The following MYCT1 variants were observed in gnomAD, a reference collection of about 807,000 sequenced individuals.
MYCT1 encodes the protein MYC target 1, also known as myc target protein 1.
MYCT1 carries 12 observed loss-of-function variants against 15.0 expected under a neutral mutation model. That is an observed-to-expected ratio of 0.80 (90% CI 0.51 to 1.29). MYCT1 has a LOEUF of 1.29. Among genes scored for constraint, MYCT1 ranks in the 50% most tolerant of loss-of-function variants. The probability of loss-of-function intolerance (pLI) is 0.00; values close to 1 mark genes in which losing one functional copy is unlikely to be tolerated. For synonymous variants in MYCT1, 104 were observed against 102.7 expected (o/e 1.01, Z -0.07); for missense variants, 287 against 279.1 (o/e 1.03, Z -0.20).
intron 1 of MYCT1, among the ~76,000 whole-genome samples, chr6:152,705,205 T>C (rs1458979459): frequency 2.0e-5 from 3 of 152,186 alleles, no homozygotes; most frequent in Non-Finnish European, 4.4e-5. Context: ...CATCATAGCT[T>C]AGCATAGCCT....
chr6:152,727,929 G>A (rs546952094), downstream of MYCT1, among the ~76,000 whole-genome samples: 14 of 152,080 alleles, frequency 9.2e-5, 1 homozygote, highest in South Asian at 1.0e-3. Context: ...TTTGGTAGAC[G>A]GAGACGGGCA....
rs1196577607 is a variant in MYCT1 at position 152,721,907 on chromosome 6, A to G, written c.362A>G (p.Asn121Ser). Residue 121 changes from asparagine to serine, a missense_variant, in exon 2 of 2, where the codon AAC becomes AGC. Transcript: ENST00000367245. ...AGGTCTTCTTACACCCACGGCCTCA[A>G]CAGAACTGGATTTTACCGCCACAGT... ...RSRSSYTHGL[N>S]RTGFYRHSGC... is the part of the protein sequence containing the mutation. 11 of 1,614,092 alleles carry G rather than the reference A, an allele frequency of 6.8e-6. No individual in the cohort carries two copies. Among genetic ancestry groups the G allele is most frequent in the Non-Finnish European group, 9.3e-6 (11 of 1,179,984 alleles).
At chr6:152,714,031 C>A (rs2099723194) in intron 1 of MYCT1, among the ~76,000 whole-genome samples, 1 of 152,088 alleles carries the variant, frequency 6.6e-6, no homozygotes, top group African/African-American at 2.4e-5. Flanking sequence ...TGTTCATAGT[C>A]ATTATTACTT....
chr6:152,732,839 T>C, the MYCT1 span, among the ~76,000 whole-genome samples: 1 of 152,170 alleles, frequency 6.6e-6, no homozygotes, highest in Admixed American at 6.5e-5. Context: ...AGCCAAGGAA[T>C]GCCAGACCCT....
At chr6:152,721,705 T>TA in intron 1 of MYCT1, 37 bp from the exon 2 acceptor site, 1 of 1,575,444 alleles carries the variant, frequency 6.3e-7, no homozygotes, top group Non-Finnish European at 8.6e-7. Flanking sequence ...AAAACCTATT[T>TA]AAAAATTGAT....
At chr6:152,737,149 A>G in the MYCT1 span, among the ~76,000 whole-genome samples, 2 of 152,122 alleles carry the variant, frequency 1.3e-5, no homozygotes, top group Admixed American at 1.3e-4. Flanking sequence ...TTCCTGGAAC[A>G]ATATACTAAG....
At chr6:152,736,312 G>A in the MYCT1 span, among the ~76,000 whole-genome samples, 3 of 152,184 alleles carry the variant, frequency 2.0e-5, no homozygotes, top group Non-Finnish European at 4.4e-5. Flanking sequence ...ATACCCTTAG[G>A]ATAAATACAG....
At chr6:152,736,995 AC>A in the MYCT1 span, among the ~76,000 whole-genome samples, 1 of 152,124 alleles carries the variant, frequency 6.6e-6, no homozygotes. Flanking sequence ...AAATTACAAA[AC>A]TTTGAGTTTT....
chr6:152,729,929 A>G, the MYCT1 span, among the ~76,000 whole-genome samples: 1 of 152,204 alleles, frequency 6.6e-6, no homozygotes, highest in Non-Finnish European at 1.5e-5. Context: ...CAGATGGCTC[A>G]AACTATAAAA....
rs2099724880 is a variant in MYCT1 at position 152,722,404 on chromosome 6, TAA to T, written c.*154_*155del. On this transcript the variant is annotated 3_prime_UTR_variant, in exon 2 of 2. Transcript: ENST00000367245. The stretch of plus-strand genomic sequence containing the variant: ...GTTGTGCAAGTTGGACATTACAATG[TAA>T]AACACATTTTCTTCAAACACGTTTT... 1 of 694,548 alleles carries T rather than the reference TAA, an allele frequency of 1.4e-6. No homozygotes were observed. The highest frequency in any genetic ancestry group is 3.5e-5 in the Admixed American group (1 of 28,684). The allele number at this position is 694,548 out of a possible 1,614,324, so 43.0% of individuals were successfully genotyped here. A position where few individuals can be genotyped will look rare whatever the true frequency, so the allele number is the denominator to read the frequency against.
chr6:152,703,666 T>C (rs914719938), intron 1 of MYCT1, among the ~76,000 whole-genome samples: 12 of 152,274 alleles, frequency 7.9e-5, no homozygotes, highest in African/African-American at 2.9e-4. Context: ...AAAAATGAAG[T>C]GTACAAATCA....
chr6:152,697,932 T>G lies in MYCT1; in HGVS notation c.30T>G (p.Cys10Trp). The change falls in exon 1 of 2, where the codon TGT becomes TGG. Residue 10 changes from cysteine (C) to tryptophan (W), a missense_variant. By Grantham distance (215) the Cys-to-Trp change is radical (BLOSUM62 -2). Coordinates refer to ENST00000367245, the MANE Select transcript of MYCT1 (RefSeq NM_025107.3). The stretch of plus-strand genomic sequence containing the variant: ...GAACACAAGTATATGAGGGGTTGTG[T>G]AAAAATTATTTTTCTCTTGCTGTAC... MRTQVYEGL[C>W]KNYFSLAVLQ... The G allele has an allele frequency of 6.2e-7, 1 of 1,600,356 alleles. No homozygotes were observed. Among genetic ancestry groups the G allele is most frequent in the Non-Finnish European group, 8.5e-7 (1 of 1,175,358 alleles).
chr6:152,717,673 T>G (rs1313872719), intron 1 of MYCT1, among the ~76,000 whole-genome samples: 1 of 152,108 alleles, frequency 6.6e-6, no homozygotes, highest in Non-Finnish European at 1.5e-5. Context: ...CATGTGGAAA[T>G]GTAAGTCCAA....
rs549389682 is a variant in MYCT1, at chr6:152,706,855, G to A, written c.196+8757G>A. Among the ~76,000 whole-genome samples, 473 of 151,794 alleles carry A rather than the reference G, an allele frequency of 3.1e-3. 3 individuals are homozygous for A. The highest frequency in any genetic ancestry group is 0.011 in the African/African-American group (449 of 41,376). ...CATTATAGAAACCATATATGTGTGT[G>A]TGTGTGTGTGTGTGTGTGTATGCAT... On this transcript the variant is annotated intron_variant, in intron 1 of 1. Coordinates refer to ENST00000367245, the MANE Select transcript of MYCT1 (RefSeq NM_025107.3).
intron 1 of MYCT1, among the ~76,000 whole-genome samples, chr6:152,719,692 C>G (rs1399859193): frequency 6.6e-6 from 1 of 152,180 alleles, no homozygotes; most frequent in Non-Finnish European, 1.5e-5. Context: ...TGGAAGGACA[C>G]TGAACTATAT....
chr6:152,738,086 T>C, the MYCT1 span, among the ~76,000 whole-genome samples: 1 of 151,984 alleles, frequency 6.6e-6, no homozygotes, highest in African/African-American at 2.4e-5. Context: ...GGGAAAACCA[T>C]GGGTCTTACA....
chr6:152,702,451 G>A (rs1379689303), intron 1 of MYCT1, among the ~76,000 whole-genome samples: 1 of 152,008 alleles, frequency 6.6e-6, no homozygotes, highest in African/African-American at 2.4e-5. Flanking sequence ...CTTTTTCTAT[G>A]CATCCTTGCT....
chr6:152,705,641 T>C (rs1311662563), intron 1 of MYCT1: 5 of 168,880 alleles, frequency 3.0e-5, no homozygotes, highest in Admixed American at 1.9e-4. Context: ...TAAGATGATA[T>C]GAAAATGATA....
At chr6:152,714,144 T>A (rs1007909419) in intron 1 of MYCT1, among the ~76,000 whole-genome samples, 1 of 151,984 alleles carries the variant, frequency 6.6e-6, no homozygotes, top group Admixed American at 6.6e-5. Context: ...ATTGGTGATT[T>A]TCTCTTTCTC....
Sources: allele counts gnomAD v4.1 joint callset (sites outside exome capture counted in the v4.1 genomes callset), GRCh38; gene constraint gnomAD v4.1.1; transcripts MANE v1.5; gene names NCBI Gene and HGNC (gene_info 2026-07-23, HGNC 2026-07-21).